LYPD5: variants seen among roughly 807,000 people sequenced by gnomAD.
LYPD5 encodes ly6/PLAUR domain-containing protein 5.
A neutral mutation model predicts 19.1 loss-of-function variants in LYPD5; 21 were observed. The observed-to-expected ratio is 1.10, with a 90% CI of 0.78 to 1.58. The LOEUF is 1.58. Ranked by LOEUF, LYPD5 falls within the 40% of genes most tolerant of loss-of-function variation. The pLI is 0.00. For synonymous variants in LYPD5, 128 were observed against 142.7 expected, an observed-to-expected ratio of 0.90 and a Z score of 0.74; for missense variants, 287 against 329.8, an observed-to-expected ratio of 0.87 and a Z score of 1.00.
intron 1 of LYPD5, among the ~76,000 whole-genome samples, chr19:43,812,355 A>C (rs1007756765): frequency 7.2e-6 from 1 of 139,794 alleles, no homozygotes; most frequent in Non-Finnish European, 1.6e-5. Flanking sequence ...CTATCTATCT[A>C]TCTATCTATC....
rs1465022748 is a variant in LYPD5, at chr19:43,796,228, A to T, written c.*1363T>A. 6.6e-6 allele frequency: 1 copy of T among 152,192 alleles called. No individual in the cohort carries two copies. The highest frequency in any genetic ancestry group is 2.4e-5 in the African/African-American group (1 of 41,444). 9.4% of individuals were successfully genotyped at this position (152,192 alleles called of 1,614,324 possible). ...AGATGAATTTTGGGGAGACACAAACATTCAGACAATAGCAGGATGCAACTT... is the reference window on the plus strand; with the variant it reads ...AGATGAATTTTGGGGAGACACAAACTTTCAGACAATAGCAGGATGCAACTT... On this transcript the variant is annotated 3_prime_UTR_variant, in exon 5 of 5. Transcript: ENST00000377950.
At position 43,799,841 on chromosome 19, in the gene LYPD5, A is replaced by T; in HGVS notation, c.65-7T>A. On this transcript the variant is annotated splice_region_variant and splice_polypyrimidine_tract_variant and intron_variant, in intron 1 of 4. Coordinates refer to ENST00000377950, the MANE Select transcript of LYPD5 (RefSeq NM_001031749.3). ...CACTGCAGGGCTTGGGACCCTGGGG[A>T]GAGAGGCGTGGCAGAGTCAGCAGGG... The T allele has an allele frequency of 6.2e-7, 1 of 1,607,014 alleles. No homozygotes were observed. Among genetic ancestry groups the T allele is most frequent in the Non-Finnish European group, 8.5e-7 (1 of 1,176,892 alleles).
intron 1 of LYPD5, among the ~76,000 whole-genome samples, chr19:43,811,296 T>C (rs1325882634): frequency 1.3e-5 from 2 of 151,980 alleles, no homozygotes; most frequent in East Asian, 3.9e-4. Context: ...AAAAAATGGA[T>C]AACATGGAAT....
At chr19:43,798,784 C>T (rs1215217074) in intron 3 of LYPD5, 28 bp downstream of exon 3, 2 of 1,589,898 alleles carry the variant, frequency 1.3e-6, no homozygotes, top group Non-Finnish European at 8.6e-7. Flanking sequence ...TCGTCCCTCC[C>T]GGAGCCCAGC....
intron 1 of LYPD5, among the ~76,000 whole-genome samples, chr19:43,809,520 G>A (rs1241422490): frequency 5.3e-5 from 8 of 152,290 alleles, no homozygotes; most frequent in African/African-American, 1.7e-4. Flanking sequence ...TGGGATTACA[G>A]GCGACTGCCA....
intron 1 of LYPD5, among the ~76,000 whole-genome samples, chr19:43,818,602 G>A (rs1970392860): frequency 6.6e-6 from 1 of 152,156 alleles, no homozygotes; most frequent in Non-Finnish European, 1.5e-5. Flanking sequence ...AAAGCCCTGG[G>A]GCTTGAGACA....
At position 43,799,788 on chromosome 19, in the gene LYPD5, G is replaced by A; in HGVS notation, c.111C>T (p.Gly37=). The A allele has an allele frequency of 6.2e-7, 1 of 1,613,812 alleles. No individual in the cohort carries two copies. Among genetic ancestry groups the A allele is most frequent in the Non-Finnish European group, 8.5e-7 (1 of 1,179,876 alleles). ...GCTTCATGGCCCTGAGGTCAAAGGG[G>A]CCAAAGTAGGTGTGCTCAAAGCTGT... ...QCYSFEHTYF[G]PFDLRAMKLP... Residue 37 remains glycine, a synonymous_variant, in exon 2 of 5, where the codon GGC becomes GGT. Transcript: ENST00000377950.
At chr19:43,813,195 T>C (rs2146506466) in intron 1 of LYPD5, among the ~76,000 whole-genome samples, 1 of 152,314 alleles carries the variant, frequency 6.6e-6, no homozygotes, top group African/African-American at 2.4e-5. Flanking sequence ...GCAGATTGGG[T>C]ACTCAGTAGC....
In LYPD5 at chr19:43,797,481, A is replaced by G; in HGVS notation, c.*110T>C. 1 of 889,182 alleles carries G rather than the reference A, an allele frequency of 1.1e-6. No homozygotes were observed. 55.1% of individuals were successfully genotyped at this position (889,182 alleles called of 1,614,324 possible). ...GGGAGAGATGGAAGGCCAGAGGGAC[A>G]GGAGTGCAATTCTTACTTTAACATC... On this transcript the variant is annotated 3_prime_UTR_variant, in exon 5 of 5. Coordinates refer to ENST00000377950, the MANE Select transcript of LYPD5 (RefSeq NM_001031749.3).
intron 1 of LYPD5, among the ~76,000 whole-genome samples, chr19:43,814,594 G>A (rs989698800): frequency 1.3e-5 from 2 of 152,136 alleles, no homozygotes; most frequent in Admixed American, 1.3e-4. Context: ...TCTGAGTAGT[G>A]GTCCCGTAAT....
Position 43,798,958 on chromosome 19 carries a change from T to C in LYPD5, c.224A>G (p.Lys75Arg). ...GYRAPVTLVR[K>R]GCWTGPPAGQ... ...CGCAGGAGGCCCGGTCCAGCAGCCC[T>C]TCCGCACCAGGGTCACCGGCGCGCG... The change falls in exon 3 of 5, where the codon AAG (lysine) becomes AGG (arginine). Residue 75 changes from lysine to arginine, a missense_variant. Lys to Arg is a conservative substitution (Grantham distance 26, BLOSUM62 2). Coordinates refer to ENST00000377950, the MANE Select transcript of LYPD5 (RefSeq NM_001031749.3). 1.1e-5 allele frequency: 18 copies of C among 1,584,096 alleles called. No individual in the cohort carries two copies. The highest frequency in any genetic ancestry group is 1.5e-5 in the Non-Finnish European group (17 of 1,165,870).
Position 43,797,655 on chromosome 19 carries a change from G to A in LYPD5, c.692C>T (p.Pro231Leu). 6.2e-7 allele frequency: 1 copy of A among 1,613,768 alleles called. No individual in the cohort carries two copies. The highest frequency in any genetic ancestry group is 1.3e-5 in the African/African-American group (1 of 74,982). ...PFTSASATTPPRALQVLALLL... is the reference protein window; with the variant it reads ...PFTSASATTPLRALQVLALLL... Reference sequence around the variant, plus strand: ...CAGGGCCAGGACCTGTAGTGCTCGGGGAGGGGTGGTGGCTGAAGCACTGGT... The same window carrying A: ...CAGGGCCAGGACCTGTAGTGCTCGGAGAGGGGTGGTGGCTGAAGCACTGGT... The change falls in exon 5 of 5, where the codon CCC (proline) becomes CTC (leucine). Residue 231 changes from proline (P) to leucine (L), a missense_variant. Coordinates refer to ENST00000377950, the MANE Select transcript of LYPD5 (RefSeq NM_001031749.3).
chr19:43,819,267 CCTTCTT>C (rs895263728), intron 1 of LYPD5, among the ~76,000 whole-genome samples: 1 of 143,582 alleles, frequency 7.0e-6, no homozygotes, highest in South Asian at 2.2e-4. Context: ...TTCATTTTTC[CCTTCTT>C]CTTCTTCTTC....
At chr19:43,799,022 C>G in intron 2 of LYPD5, 34 bp from the exon 3 acceptor site, 1 of 1,528,588 alleles carries the variant, frequency 6.5e-7, no homozygotes, top group Non-Finnish European at 8.8e-7. Flanking sequence ...GCTCTGCTTC[C>G]CGAAACCCTT....
chr19:43,803,840 C>T (rs1488034984), upstream of LYPD5, among the ~76,000 whole-genome samples: 1 of 151,362 alleles, frequency 6.6e-6, no homozygotes, highest in African/African-American at 2.5e-5. Flanking sequence ...CCCGCACCCC[C>T]TCTCTTTTTC....
At chr19:43,799,651 C>T in intron 2 of LYPD5, 55 bp downstream of exon 2, 1 of 1,547,184 alleles carries the variant, frequency 6.5e-7, no homozygotes, top group South Asian at 1.2e-5. Context: ...GCTCCCCTCT[C>T]CCCCCTTTTT....
chr19:43,800,833 C>T (rs1051188451), intron 1 of LYPD5, among the ~76,000 whole-genome samples: 2 of 151,754 alleles, frequency 1.3e-5, no homozygotes, highest in Admixed American at 6.6e-5. Flanking sequence ...TGGTGGTGCA[C>T]GCCTGTGGTC....
At chr19:43,820,477 C>T (rs1447287206) in intron 1 of LYPD5, 1 of 145,580 alleles carries the variant, frequency 6.9e-6, no homozygotes. Context: ...AGTCTTCATA[C>T]CCAGCCACAC....
intron 3 of LYPD5, 30 bp downstream of exon 3, chr19:43,798,782 C>G: frequency 6.3e-7 from 1 of 1,588,710 alleles, no homozygotes; most frequent in African/African-American, 1.3e-5. Flanking sequence ...CATCGTCCCT[C>G]CCGGAGCCCA....
Sources: allele counts gnomAD v4.1 joint callset (sites outside exome capture counted in the v4.1 genomes callset), GRCh38; gene constraint gnomAD v4.1.1; transcripts MANE v1.5; gene names NCBI Gene and HGNC (gene_info 2026-07-23, HGNC 2026-07-21).